The following RPS6KC1 variants were observed in gnomAD, a reference collection of about 807,000 sequenced individuals.
The protein encoded by RPS6KC1 is inactive ribosomal protein S6 kinase delta-1.
In RPS6KC1, 54 loss-of-function variants were observed where a neutral mutation model predicts 103.8. The ratio of observed to expected loss-of-function variants is 0.52; its 90% CI spans 0.42 to 0.65. RPS6KC1 has a LOEUF of 0.65. Ranked by LOEUF, RPS6KC1 falls within the 30% of genes least tolerant of loss-of-function variation. RPS6KC1 has a pLI of 0.00. For missense variants in RPS6KC1, 1,151 were observed against 1,253.8 expected (o/e 0.92, Z 1.24); for synonymous variants, 439 against 438.7 (o/e 1.00, Z -0.01).
intron 1 of RPS6KC1, among the ~76,000 whole-genome samples, chr1:213,070,249 G>T (rs942380781): frequency 5.3e-5 from 8 of 152,230 alleles, no homozygotes; most frequent in Admixed American, 5.2e-4. Context: ...AAGTGCAGCT[G>T]CTTTTTATGC....
chr1:213,404,329 C>A, the RPS6KC1 span, among the ~76,000 whole-genome samples: 1 of 152,184 alleles, frequency 6.6e-6, no homozygotes, highest in African/African-American at 2.4e-5. Flanking sequence ...GGGATGGGAG[C>A]ACTGGCCAGG....
chr1:213,273,393 G>A lies in RPS6KC1; in HGVS notation c.*759G>A, dbSNP rs2149199441. 1 of 152,644 alleles carries A rather than the reference G, an allele frequency of 6.6e-6. No individual in the cohort carries two copies. The highest frequency in any genetic ancestry group is 3.4e-3 in the Middle Eastern group (1 of 294). The allele number at this position is 152,644 out of a possible 1,614,324, so 9.5% of individuals were successfully genotyped here. A position where few individuals can be genotyped will look rare whatever the true frequency, so the allele number is the denominator to read the frequency against. ...TGCTAACACACATGCAACAAAAAAG[G>A]GAAGGGAGTGCTTATTTCCCTTTGT... On this transcript the variant is annotated 3_prime_UTR_variant, in exon 15 of 15. Coordinates refer to ENST00000366960, the MANE Select transcript of RPS6KC1 (RefSeq NM_012424.6).
the RPS6KC1 span, among the ~76,000 whole-genome samples, chr1:213,787,069 C>G: frequency 6.6e-6 from 1 of 152,162 alleles, no homozygotes; most frequent in Admixed American, 6.6e-5. Flanking sequence ...GGCTTCTGTC[C>G]TGGATCCACC....
chr1:213,354,024 A>G, the RPS6KC1 span, among the ~76,000 whole-genome samples: 1 of 152,218 alleles, frequency 6.6e-6, no homozygotes, highest in Non-Finnish European at 1.5e-5. Context: ...AAGAAAGTCC[A>G]TTAAGTCCTG....
At chr1:213,522,212 A>G in the RPS6KC1 span, among the ~76,000 whole-genome samples, 1 of 152,228 alleles carries the variant, frequency 6.6e-6, no homozygotes, top group Non-Finnish European at 1.5e-5. Context: ...CTCTTGAGTA[A>G]CCAGATGTAT....
At chr1:213,505,425 G>T in the RPS6KC1 span, among the ~76,000 whole-genome samples, 1 of 152,188 alleles carries the variant, frequency 6.6e-6, no homozygotes, top group East Asian at 1.9e-4. Flanking sequence ...TCGAATCCCA[G>T]CCCTACCACG....
At chr1:213,801,678 C>T in the RPS6KC1 span, among the ~76,000 whole-genome samples, 1 of 152,066 alleles carries the variant, frequency 6.6e-6, no homozygotes, top group African/African-American at 2.4e-5. Context: ...AGAAGAAACT[C>T]ACATATTGAA....
Position 213,241,637 on chromosome 1 carries a change from A to C in RPS6KC1, c.2161A>C (p.Ile721Leu). 2.5e-6 allele frequency: 4 copies of C among 1,613,930 alleles called. No individual in the cohort carries two copies. The highest frequency in any genetic ancestry group is 3.4e-6 in the Non-Finnish European group (4 of 1,179,936). ...GTTTACACAAACTAATATAGGGATA[A>C]TAGAAAATAAACTCTTGGAAGCCCC... The part of the protein sequence containing the change: ...TKFTQTNIGI[I>L]ENKLLEAPDV... The change falls in exon 11 of 15, where the codon ATA becomes CTA. Residue 721 changes from isoleucine (I) to leucine (L), a missense_variant. By Grantham distance (5) the Ile-to-Leu change is conservative (BLOSUM62 2). Around this residue, in one of 3 missense-constraint regions of RPS6KC1, gnomAD observed 959 missense variants for 1,006.3 expected, o/e 0.95. Coordinates refer to ENST00000366960, the MANE Select transcript of RPS6KC1 (RefSeq NM_012424.6).
At chr1:213,808,918 C>T in the RPS6KC1 span, among the ~76,000 whole-genome samples, 1 of 152,242 alleles carries the variant, frequency 6.6e-6, no homozygotes, top group Non-Finnish European at 1.5e-5. Flanking sequence ...ATTCGGCCAT[C>T]TTGGCTCCTC....
At chr1:213,290,106 C>T in the RPS6KC1 span, among the ~76,000 whole-genome samples, 4 of 129,248 alleles carry the variant, frequency 3.1e-5, no homozygotes, top group Admixed American at 3.8e-4. Flanking sequence ...GATTGCGCCA[C>T]TGCAATCCGG....
chr1:213,586,800 A>C, the RPS6KC1 span, among the ~76,000 whole-genome samples: 1 of 152,188 alleles, frequency 6.6e-6, no homozygotes, highest in Non-Finnish European at 1.5e-5. Context: ...GGTGACCCTG[A>C]GATTGGTCAC....
intron 6 of RPS6KC1, among the ~76,000 whole-genome samples, chr1:213,160,900 TGAC>T (rs1274305155): frequency 3.3e-5 from 5 of 151,976 alleles, no homozygotes; most frequent in Non-Finnish European, 7.4e-5. Flanking sequence ...CTAACATAAA[TGAC>T]GAATTAATGG....
chr1:213,496,379 A>G, the RPS6KC1 span, among the ~76,000 whole-genome samples: 1 of 152,206 alleles, frequency 6.6e-6, no homozygotes, highest in Admixed American at 6.5e-5. Flanking sequence ...GGGCAAAGAT[A>G]TATTAGGTGG....
the RPS6KC1 span, among the ~76,000 whole-genome samples, chr1:213,665,777 C>G: frequency 6.6e-6 from 1 of 152,166 alleles, no homozygotes; most frequent in African/African-American, 2.4e-5. Context: ...ATCTGAAAAT[C>G]TAACAATCCA....
rs182116576 is a variant in RPS6KC1 at position 213,241,301 on chromosome 1, G to A, written c.1825G>A (p.Ala609Thr). The change falls in exon 11 of 15, where the codon GCA (alanine) becomes ACA (threonine). Residue 609 changes from alanine to threonine, a missense_variant. Ala to Thr is a moderately conservative substitution (Grantham distance 58, BLOSUM62 0). Coordinates refer to ENST00000366960, the MANE Select transcript of RPS6KC1 (RefSeq NM_012424.6). Reference protein sequence around the residue: ...EFFRIDSKDSASELLGLDFGE... With the variant: ...EFFRIDSKDSTSELLGLDFGE... Reference sequence around the variant, plus strand: ...CTTTAGGATAGACAGTAAGGATAGCGCAAGTGAACTCCTGGGACTTGACTT... The same window carrying A: ...CTTTAGGATAGACAGTAAGGATAGCACAAGTGAACTCCTGGGACTTGACTT... 2.3e-5 allele frequency: 37 copies of A among 1,613,938 alleles called. 1 individual carries two copies. Among genetic ancestry groups the A allele is most frequent in the African/African-American group, 5.3e-5 (4 of 75,042 alleles).
At chr1:213,416,947 G>A in the RPS6KC1 span, among the ~76,000 whole-genome samples, 3 of 152,196 alleles carry the variant, frequency 2.0e-5, no homozygotes, top group Non-Finnish European at 4.4e-5. Context: ...TTTGACCTTG[G>A]GGTGAAGACC....
chr1:213,482,729 A>G, the RPS6KC1 span, among the ~76,000 whole-genome samples: 3 of 151,478 alleles, frequency 2.0e-5, no homozygotes, highest in African/African-American at 7.3e-5. Context: ...TTGTATTTTT[A>G]GTAGAAATGG....
the RPS6KC1 span, among the ~76,000 whole-genome samples, chr1:213,518,765 C>T: frequency 6.6e-6 from 1 of 152,158 alleles, no homozygotes; most frequent in African/African-American, 2.4e-5. Flanking sequence ...CCAGCTGAAC[C>T]TTTCAAAAAT....
chr1:213,171,784 A>G (rs760806213), intron 7 of RPS6KC1, among the ~76,000 whole-genome samples: 9 of 152,208 alleles, frequency 5.9e-5, no homozygotes, highest in Non-Finnish European at 1.0e-4. Flanking sequence ...TAGGTCTGCA[A>G]TTTAGTGTCA....
Sources: allele counts gnomAD v4.1 joint callset (sites outside exome capture counted in the v4.1 genomes callset), GRCh38; gene constraint gnomAD v4.1.1; regional missense constraint gnomAD v4.1.1; transcripts MANE v1.5; gene names NCBI Gene and HGNC (gene_info 2026-07-23, HGNC 2026-07-21).